Variants in MS4A7 observed in about 807,000 individuals in gnomAD.
MS4A7 encodes membrane-spanning 4-domains subfamily A member 7.
Under a neutral mutation model 23.5 loss-of-function variants are expected in MS4A7, and 21 were observed. The observed-to-expected ratio is 0.89, with a 90% confidence interval of 0.63 to 1.29. The LOEUF (loss-of-function observed/expected upper bound fraction) is 1.29. Ranked by LOEUF, MS4A7 falls within the 50% of genes most tolerant of loss-of-function variation. The pLI is 0.00. For synonymous variants in MS4A7, 111 were observed against 107.4 expected, an observed-to-expected ratio of 1.03 and a Z score of -0.21; for missense variants, 263 against 274.2, an observed-to-expected ratio of 0.96 and a Z score of 0.29.
chr11:60,392,805 C>T lies in MS4A7; in HGVS notation c.648+19C>T, dbSNP rs748600051. On this transcript the variant is annotated intron_variant, in intron 6 of 6. Coordinates refer to ENST00000300184, the MANE Select transcript of MS4A7 (RefSeq NM_021201.5). ...CCCTGGGGTGAGTATGCTGACATGT[C>T]GCCTGATACCTGCTGTGTCTCAGGT... is the stretch of plus-strand genomic sequence containing the variant. 1.6e-5 allele frequency: 25 copies of T among 1,519,574 alleles called. No individual in the cohort carries two copies. The highest frequency in any genetic ancestry group is 6.8e-5 in the African/African-American group (5 of 73,066). The allele number at this position is 1,519,574 out of a possible 1,614,324, so 94.1% of individuals were successfully genotyped here.
intron 5 of MS4A7, among the ~76,000 whole-genome samples, 187 bp from the exon 6 acceptor site, chr11:60,392,498 G>GA (rs554554505): frequency 3.3e-4 from 51 of 152,310 alleles, no homozygotes; most frequent in African/African-American, 1.2e-3. Context: ...GTTCTGAGAT[G>GA]ATGCCGTTGC....
rs192306667 is a variant in MS4A7, at chr11:60,395,151, G to A, written c.*1290G>A. On this transcript the variant is annotated 3_prime_UTR_variant, in exon 7 of 7. Coordinates refer to ENST00000300184, the MANE Select transcript of MS4A7 (RefSeq NM_021201.5). ...CCCCTGCACTTTGTACCACATGGGC[G>A]TATTCTTTCTTCCCAGTCATTGCTG... is the stretch of plus-strand genomic sequence containing the variant. 45 of 373,676 alleles carry A rather than the reference G, an allele frequency of 1.2e-4. No individual in the cohort carries two copies. Among genetic ancestry groups the A allele is most frequent in the African/African-American group, 7.7e-4 (37 of 48,032 alleles). 23.1% of individuals were successfully genotyped at this position (373,676 alleles called of 1,614,324 possible).
chr11:60,393,615 T>C (rs1001364410), intron 6 of MS4A7, among the ~76,000 whole-genome samples, 172 bp from the exon 7 acceptor site: 1 of 152,224 alleles, frequency 6.6e-6, no homozygotes, highest in Non-Finnish European at 1.5e-5. Context: ...AGTAAAATAA[T>C]TAGCAGACTG....
chr11:60,380,782 G>A (rs1001408895), intron 1 of MS4A7, among the ~76,000 whole-genome samples: 6 of 152,224 alleles, frequency 3.9e-5, no homozygotes, highest in Non-Finnish European at 7.3e-5. Context: ...GATCAGCAAT[G>A]TCCCTGGGAG....
chr11:60,384,637 G>A (rs560019068), intron 2 of MS4A7, among the ~76,000 whole-genome samples: 9 of 152,282 alleles, frequency 5.9e-5, no homozygotes, highest in East Asian at 1.9e-4. Context: ...TTCCACTTGC[G>A]AAATAATTAT....
At chr11:60,379,826 C>T (rs1452873179) in intron 1 of MS4A7, among the ~76,000 whole-genome samples, 1 of 152,140 alleles carries the variant, frequency 6.6e-6, no homozygotes, top group African/African-American at 2.4e-5. Context: ...TGAGCCGCTG[C>T]ACCCAGCCTT....
intron 3 of MS4A7, 45 bp downstream of exon 3, chr11:60,385,267 C>T (rs2085473725): frequency 3.1e-6 from 5 of 1,610,628 alleles, no homozygotes; most frequent in South Asian, 1.1e-5. Context: ...TTTATAAATG[C>T]TAACCAGGTG....
chr11:60,380,008 A>G (rs1590788945), intron 1 of MS4A7, among the ~76,000 whole-genome samples: 1 of 152,138 alleles, frequency 6.6e-6, no homozygotes, highest in Non-Finnish European at 1.5e-5. Flanking sequence ...CCACCATTCT[A>G]CTTTCAGTGA....
rs139811950 is a variant in MS4A7, at chr11:60,389,523, C to A, written c.473C>A (p.Ser158Ter). The change falls in exon 5 of 7, where the codon TCA becomes TAA. Residue 158 changes from serine (S) to a stop codon, truncating the protein, a stop_gained. Transcript: ENST00000300184. LOFTEE classifies it high-confidence loss of function. ...GGCTCAGAAATGGATTATCTATCCTCATTGCCTTATTCGGAGTACTATTAT... is the reference window on the plus strand; with the variant it reads ...GGCTCAGAAATGGATTATCTATCCTAATTGCCTTATTCGGAGTACTATTAT... ...HCGSEMDYLS[S>*]LPYSEYYYPI... is the part of the protein sequence containing the mutation. 2 of 1,613,996 alleles carry A rather than the reference C, an allele frequency of 1.2e-6. No individual in the cohort carries two copies. The highest frequency in any genetic ancestry group is 2.7e-5 in the African/African-American group (2 of 74,922).
At chr11:60,379,853 A>G (rs1022729890) in intron 1 of MS4A7, among the ~76,000 whole-genome samples, 1 of 152,146 alleles carries the variant, frequency 6.6e-6, no homozygotes, top group Admixed American at 6.5e-5. Flanking sequence ...TTTTAGGTGT[A>G]CAGTTCAGTG....
chr11:60,380,924 T>C (rs558455963), intron 1 of MS4A7, among the ~76,000 whole-genome samples: 1 of 152,316 alleles, frequency 6.6e-6, no homozygotes, highest in East Asian at 1.9e-4. Context: ...TGGTGTTAGA[T>C]GGCCTGTGCC....
At chr11:60,389,889 A>C (rs776621772) in intron 5 of MS4A7, 3 of 368,166 alleles carry the variant, frequency 8.1e-6, no homozygotes, top group Non-Finnish European at 1.5e-5. Context: ...TTAAAGTACA[A>C]CCTTTGTTGT....
intron 4 of MS4A7, chr11:60,389,151 T>A (rs2085521630): frequency 8.0e-6 from 4 of 497,714 alleles, no homozygotes; most frequent in Non-Finnish European, 1.4e-5. Context: ...AGAACCCCTC[T>A]CCCTAAGGAG....
At chr11:60,384,219 A>G (rs1222469416) in intron 2 of MS4A7, among the ~76,000 whole-genome samples, 4 of 152,214 alleles carry the variant, frequency 2.6e-5, no homozygotes, top group African/African-American at 9.6e-5. Context: ...TCCTGGCTCA[A>G]AATTATCCAG....
chr11:60,382,289 AT>A (rs2085439021), intron 1 of MS4A7, among the ~76,000 whole-genome samples: 2 of 152,244 alleles, frequency 1.3e-5, no homozygotes, highest in Admixed American at 1.3e-4. Context: ...AGAGAAAAAA[AT>A]ATCACAAGCG....
chr11:60,393,349 T>G (rs1374955085), intron 6 of MS4A7, among the ~76,000 whole-genome samples: 4 of 152,126 alleles, frequency 2.6e-5, no homozygotes, highest in African/African-American at 9.7e-5. Flanking sequence ...AGAACGCGTA[T>G]CCCCTCACTT....
At chr11:60,383,850 T>C (rs1359021616) in intron 2 of MS4A7, among the ~76,000 whole-genome samples, 1 of 152,234 alleles carries the variant, frequency 6.6e-6, no homozygotes, top group Non-Finnish European at 1.5e-5. Context: ...AAATTAGTCT[T>C]TCTTATTTTG....
intron 4 of MS4A7, among the ~76,000 whole-genome samples, chr11:60,388,234 C>T (rs2085512291): frequency 6.6e-6 from 1 of 152,180 alleles, no homozygotes; most frequent in Non-Finnish European, 1.5e-5. Context: ...CATAGATTTC[C>T]CTTTCTGTGT....
intron 2 of MS4A7, among the ~76,000 whole-genome samples, chr11:60,384,570 T>A (rs751751776): frequency 6.6e-6 from 1 of 152,244 alleles, no homozygotes; most frequent in Non-Finnish European, 1.5e-5. Context: ...TGCACATGCA[T>A]TAAACTATGA....
Sources: allele counts gnomAD v4.1 joint callset (sites outside exome capture counted in the v4.1 genomes callset), GRCh38; gene constraint gnomAD v4.1.1; transcripts MANE v1.5; gene names NCBI Gene and HGNC (gene_info 2026-07-23, HGNC 2026-07-21).